The following EXOC4 variants were observed in gnomAD, a reference collection of about 807,000 sequenced individuals.
EXOC4 encodes SEC8-like 1.
Under a neutral mutation model 107.2 loss-of-function variants are expected in EXOC4, and 71 were observed. The observed-to-expected ratio is 0.66, with a 90% CI of 0.55 to 0.81. EXOC4 has a LOEUF of 0.81. Ranked by LOEUF, EXOC4 falls within the 30% of genes least tolerant of loss-of-function variation. The pLI is 0.00. For synonymous variants in EXOC4, 456 were observed against 441.2 expected, an observed-to-expected ratio of 1.03 and a Z score of -0.42; for missense variants, 1,108 against 1,189.6, an observed-to-expected ratio of 0.93 and a Z score of 1.01.
At chr7:133,735,585 T>G (rs1795428112) in intron 10 of EXOC4, among the ~76,000 whole-genome samples, 2 of 152,184 alleles carry the variant, frequency 1.3e-5, no homozygotes, top group African/African-American at 4.8e-5. Context: ...CTGAAGAGTC[T>G]TCTTCTAGCA....
intron 17 of EXOC4, among the ~76,000 whole-genome samples, chr7:134,030,023 AT>A (rs750697043): frequency 6.6e-6 from 1 of 152,228 alleles, no homozygotes; most frequent in Non-Finnish European, 1.5e-5. Context: ...CAGTCATTCC[AT>A]TCATACATCA....
chr7:133,266,173 T>G (rs535220787), intron 1 of EXOC4, among the ~76,000 whole-genome samples: 41 of 152,340 alleles, frequency 2.7e-4, no homozygotes, highest in African/African-American at 9.1e-4. Flanking sequence ...AATGGCTCCC[T>G]TGCTCTGCTG....
intron 10 of EXOC4, among the ~76,000 whole-genome samples, chr7:133,799,335 C>T (rs1247647928): frequency 6.6e-6 from 1 of 152,226 alleles, no homozygotes; most frequent in Non-Finnish European, 1.5e-5. Context: ...GGAGCTGAGT[C>T]TGACTGAGGG....
At chr7:133,729,500 A>G (rs1324521320) in intron 10 of EXOC4, among the ~76,000 whole-genome samples, 1 of 152,100 alleles carries the variant, frequency 6.6e-6, no homozygotes, top group Non-Finnish European at 1.5e-5. Flanking sequence ...AGGTAAATAT[A>G]TATTTAACCA....
In EXOC4 at chr7:133,502,047, C is replaced by T. The variant is rs375388643; in HGVS notation, c.1417+21909C>T. 1.2e-4 allele frequency among the ~76,000 whole-genome samples: 18 copies of T among 152,010 alleles called. No individual in the cohort carries two copies. In the East Asian group the frequency reaches 2.7e-3, roughly 23 times the overall value. ...TTTTTGATTAGCAATGGAGCAGGGC[C>T]GCAATTAACACTCGAGGAAGCTTAA... On this transcript the variant is annotated intron_variant, in intron 9 of 17. Transcript: ENST00000253861.
At chr7:133,614,308 G>C (rs1297748233) in intron 9 of EXOC4, among the ~76,000 whole-genome samples, 1 of 152,106 alleles carries the variant, frequency 6.6e-6, no homozygotes, top group African/African-American at 2.4e-5. Flanking sequence ...AAGATGAACA[G>C]CAGTTGCCAG....
intron 10 of EXOC4, among the ~76,000 whole-genome samples, chr7:133,670,327 C>T (rs180703772): frequency 3.9e-5 from 6 of 152,292 alleles, no homozygotes; most frequent in East Asian, 3.9e-4. Context: ...CCTAGCTCAC[C>T]GTGTTGTTCA....
At chr7:133,616,329 G>A (rs1802194368) in intron 9 of EXOC4, among the ~76,000 whole-genome samples, 2 of 151,966 alleles carry the variant, frequency 1.3e-5, no homozygotes, top group Non-Finnish European at 2.9e-5. Flanking sequence ...ATGGATTATG[G>A]CTGTTGCTTA....
chr7:133,358,647 A>C (rs1403807674), intron 6 of EXOC4, among the ~76,000 whole-genome samples: 1 of 152,190 alleles, frequency 6.6e-6, no homozygotes, highest in African/African-American at 2.4e-5. Context: ...TTCCTAGATG[A>C]ATACAGTGAA....
At chr7:134,018,034 A>T (rs1794949637) in intron 17 of EXOC4, among the ~76,000 whole-genome samples, 1 of 152,160 alleles carries the variant, frequency 6.6e-6, no homozygotes, top group African/African-American at 2.4e-5. Context: ...ATAAGAAGTG[A>T]CTTGTCCAGA....
At chr7:133,774,255 C>T (rs994050048) in intron 10 of EXOC4, among the ~76,000 whole-genome samples, 1 of 152,036 alleles carries the variant, frequency 6.6e-6, no homozygotes, top group Admixed American at 6.6e-5. Flanking sequence ...ATGCAATAGC[C>T]AGTTCCATAT....
intron 7 of EXOC4, among the ~76,000 whole-genome samples, chr7:133,452,999 GT>G (rs5887630): frequency 0.35 from 53,786 of 151,918 alleles, 10,201 homozygotes; most frequent in African/African-American, 0.49. Flanking sequence ...CAGTCTGTAA[GT>G]TTTATCATGA....
chr7:133,616,000 T>C (rs886667754), intron 9 of EXOC4, among the ~76,000 whole-genome samples: 7 of 152,172 alleles, frequency 4.6e-5, no homozygotes, highest in African/African-American at 1.7e-4. Context: ...CAGTCAAACG[T>C]AGTATGTATT....
rs1163259405 is a variant in EXOC4 at position 133,787,963 on chromosome 7, T to TTATATA, written c.1515-29318_1515-29313dup. On this transcript the variant is annotated intron_variant, in intron 10 of 17. Transcript: ENST00000253861. ...CTTCCCTGTGCATATATTTATATAT[T>TTATATA]TATATATATATATATATATATATAT... is the stretch of plus-strand genomic sequence containing the variant. Among the ~76,000 whole-genome samples the TTATATA allele has an allele frequency of 3.4e-3, 138 of 40,890 alleles. 2 individuals are homozygous for TTATATA. Among genetic ancestry groups the TTATATA allele is most frequent in the Non-Finnish European group, 4.5e-3 (100 of 22,066 alleles). The allele number at this position is 40,890 out of a possible 152,430, so 26.8% of individuals were successfully genotyped here.
At chr7:133,375,981 T>C (rs1796481934) in intron 7 of EXOC4, among the ~76,000 whole-genome samples, 1 of 152,222 alleles carries the variant, frequency 6.6e-6, no homozygotes, top group South Asian at 2.1e-4. Flanking sequence ...AGATAGTTTC[T>C]GCTAATATGA....
chr7:133,948,258 G>A (rs182310137), intron 14 of EXOC4, among the ~76,000 whole-genome samples: 1 of 152,152 alleles, frequency 6.6e-6, no homozygotes, highest in African/African-American at 2.4e-5. Flanking sequence ...CCTGGGATAA[G>A]CCCAGGAACC....
chr7:133,655,025 A>T (rs563654581), intron 10 of EXOC4, among the ~76,000 whole-genome samples: 111 of 152,176 alleles, frequency 7.3e-4, no homozygotes, highest in Non-Finnish European at 1.0e-3. Context: ...TGGGTGAGTC[A>T]GTGAGTGGTA....
intron 5 of EXOC4, among the ~76,000 whole-genome samples, chr7:133,333,706 T>C (rs1361358348): frequency 1.3e-5 from 2 of 152,222 alleles, no homozygotes; most frequent in Non-Finnish European, 2.9e-5. Flanking sequence ...TCTAACCATG[T>C]GTATATATGA....
At chr7:133,723,493 T>G (rs10631854) in intron 10 of EXOC4, among the ~76,000 whole-genome samples, 1 of 150,894 alleles carries the variant, frequency 6.6e-6, no homozygotes, top group African/African-American at 2.4e-5. Context: ...TTTCTTTCTT[T>G]TTTGTTTGTT....
Sources: gnomAD v4.1 joint callset for allele counts (sites outside exome capture counted in the v4.1 genomes callset) on GRCh38, gnomAD v4.1.1 for gene constraint, MANE v1.5 for transcripts, NCBI Gene and HGNC (gene_info 2026-07-23, HGNC 2026-07-21) for gene names.